NUDT2: variants seen among roughly 807,000 people sequenced by gnomAD.
The protein encoded by NUDT2 is bis(5'-nucleosyl)-tetraphosphatase [asymmetrical].
NUDT2 carries 12 observed loss-of-function variants against 14.2 expected under a neutral mutation model. The ratio of observed to expected loss-of-function variants is 0.84; its 90% CI spans 0.54 to 1.37. The LOEUF is 1.37. Ranked by LOEUF, NUDT2 falls within the 40% of genes most tolerant of loss-of-function variation. The probability of loss-of-function intolerance (pLI) is 0.00; values close to 1 mark genes in which losing one functional copy is unlikely to be tolerated. For synonymous variants in NUDT2, 67 were observed against 67.4 expected (o/e 0.99, Z 0.03); for missense variants, 167 against 176.7 (o/e 0.95, Z 0.31).
rs1303944137 is a variant in NUDT2, at chr9:34,331,391, A to G, written c.-265+1792A>G. Among the ~76,000 whole-genome samples the G allele has an allele frequency of 2.6e-5, 4 of 152,368 alleles. No homozygotes were observed. In the South Asian group the frequency reaches 8.3e-4, roughly 32 times the overall value. ...ACCATGCAAAGTAGGTGTTAACTTC[A>G]TTTTACAAATGAGGAAGTTAAGTAT... is the stretch of plus-strand genomic sequence containing the variant. On this transcript the variant is annotated intron_variant, in intron 1 of 4. Coordinates refer to ENST00000379158, the MANE Select transcript of NUDT2 (RefSeq NM_001161.5).
intron 1 of NUDT2, among the ~76,000 whole-genome samples, chr9:34,330,214 T>C (rs1490194203): frequency 6.6e-6 from 1 of 152,088 alleles, no homozygotes; most frequent in East Asian, 1.9e-4. Flanking sequence ...CCATCCTGGC[T>C]AACACGGTGA....
chr9:34,341,128 C>CA (rs1229916271), intron 4 of NUDT2, among the ~76,000 whole-genome samples: 3 of 152,206 alleles, frequency 2.0e-5, no homozygotes, highest in African/African-American at 7.2e-5. Flanking sequence ...AGAAGCTTCA[C>CA]AAATACTATG....
At chr9:34,329,827 T>C (rs993714776) in intron 1 of NUDT2, among the ~76,000 whole-genome samples, 1 of 150,772 alleles carries the variant, frequency 6.6e-6, no homozygotes, top group African/African-American at 2.4e-5. Flanking sequence ...CTCTGAGCCT[T>C]GCTTGTCCCC....
chr9:34,339,268 C>A, intron 4 of NUDT2, 102 bp downstream of exon 4: 2 of 1,420,192 alleles, frequency 1.4e-6, no homozygotes, highest in Admixed American at 2.0e-5. Flanking sequence ...GACTGTGTAG[C>A]AAAAAGGGGT....
chr9:34,342,978 T>C, intron 4 of NUDT2, 146 bp from the exon 5 acceptor site: 1 of 677,956 alleles, frequency 1.5e-6, no homozygotes, highest in Non-Finnish European at 2.5e-6. Flanking sequence ...GTGAGCTGAT[T>C]GCACTACTGC....
intron 3 of NUDT2, 62 bp from the exon 4 acceptor site, chr9:34,338,962 C>A: frequency 7.0e-7 from 1 of 1,423,520 alleles, no homozygotes; most frequent in Non-Finnish European, 9.7e-7. Flanking sequence ...AGATTGCTAC[C>A]CCCCAGTATG....
intron 1 of NUDT2, among the ~76,000 whole-genome samples, chr9:34,331,644 G>A (rs974489674): frequency 1.3e-5 from 2 of 152,138 alleles, no homozygotes; most frequent in African/African-American, 4.8e-5. Flanking sequence ...AATTTTCACC[G>A]TGGTCTTGGT....
intron 4 of NUDT2, among the ~76,000 whole-genome samples, chr9:34,339,447 A>G (rs964438722): frequency 6.6e-6 from 1 of 152,208 alleles, no homozygotes; most frequent in Non-Finnish European, 1.5e-5. Context: ...GGGTAAGAGA[A>G]AAAACAGTGG....
In NUDT2 at chr9:34,330,679, C is replaced by T. The variant is rs189958806; in HGVS notation, c.-265+1080C>T. On this transcript the variant is annotated intron_variant, in intron 1 of 4. Coordinates refer to ENST00000379158, the MANE Select transcript of NUDT2 (RefSeq NM_001161.5). ...GTAGTAACTTCTTAAAAAATGGTAG[C>T]GGCCGGGCGCGGTGGCTCACGCCTG... Among the ~76,000 whole-genome samples, 24 of 151,988 alleles carry T rather than the reference C, an allele frequency of 1.6e-4. No homozygotes were observed. The East Asian group carries it at 4.5e-3, about 28-fold the overall frequency.
rs531824179 is a variant in NUDT2, at chr9:34,336,860, T to A, written c.-152+519T>A. ...AACCCAGCCTCGACCTCATTTTTTT[T>A]AATGACTTCATGCTATTTCATCATA... is the stretch of plus-strand genomic sequence containing the variant. On this transcript the variant is annotated intron_variant, in intron 2 of 4. Transcript: ENST00000379158. Among the ~76,000 whole-genome samples the A allele has an allele frequency of 1.4e-3, 211 of 152,222 alleles. 7 individuals are homozygous for A. In the South Asian group the frequency reaches 0.043, roughly 31 times the overall value.
intron 4 of NUDT2, among the ~76,000 whole-genome samples, chr9:34,340,235 C>T (rs545628710): frequency 7.9e-5 from 12 of 152,296 alleles, no homozygotes; most frequent in African/African-American, 2.9e-4. Context: ...CGCACCCAGC[C>T]AGGTTTTTCT....
At chr9:34,336,392 G>A (rs1280932795) in intron 2 of NUDT2, 51 bp downstream of exon 2, 2 of 152,040 alleles carry the variant, frequency 1.3e-5, no homozygotes, top group African/African-American at 2.4e-5. Context: ...CAATGAAATA[G>A]AATAGAAAAA....
intron 1 of NUDT2, among the ~76,000 whole-genome samples, chr9:34,329,858 G>GT (rs1837837913): frequency 6.6e-6 from 1 of 152,090 alleles, no homozygotes; most frequent in African/African-American, 2.4e-5. Context: ...GGATAGGGTG[G>GT]GTCGTCCAAA....
At position 34,343,607 on chromosome 9, in the gene NUDT2, C is replaced by G; in HGVS notation, c.*167C>G. On this transcript the variant is annotated 3_prime_UTR_variant, in exon 5 of 5. Coordinates refer to ENST00000379158, the MANE Select transcript of NUDT2 (RefSeq NM_001161.5). ...AGGTGAGAGCAAGCAAAAATCTTGG[C>G]TGGGTGGAAAGGAAGGCAAAAGAGT... is the stretch of plus-strand genomic sequence containing the variant. 1 of 598,958 alleles carries G rather than the reference C, an allele frequency of 1.7e-6. No homozygotes were observed. Among genetic ancestry groups the G allele is most frequent in the Non-Finnish European group, 2.8e-6 (1 of 357,440 alleles). The allele number at this position is 598,958 out of a possible 1,614,324, so 37.1% of individuals were successfully genotyped here.
At chr9:34,341,811 C>T (rs1820192792) in intron 4 of NUDT2, among the ~76,000 whole-genome samples, 1 of 152,132 alleles carries the variant, frequency 6.6e-6, no homozygotes, top group Non-Finnish European at 1.5e-5. Flanking sequence ...CCCCTGGACC[C>T]TGGGGAGTTT....
chr9:34,342,662 C>G (rs751538656), intron 4 of NUDT2, among the ~76,000 whole-genome samples: 19 of 151,990 alleles, frequency 1.3e-4, no homozygotes, highest in Non-Finnish European at 2.6e-4. Flanking sequence ...TGCCCTGCAC[C>G]CCCTTCCCAG....
At chr9:34,337,809 A>G (rs1384560594) in intron 2 of NUDT2, among the ~76,000 whole-genome samples, 2 of 152,116 alleles carry the variant, frequency 1.3e-5, no homozygotes, top group African/African-American at 4.8e-5. Context: ...ATGTGCCTGT[A>G]TTGCCAGCTG....
rs1160597264 is a variant in NUDT2, at chr9:34,343,677, T to C, written c.*237T>C. On this transcript the variant is annotated 3_prime_UTR_variant, in exon 5 of 5. Coordinates refer to ENST00000379158, the MANE Select transcript of NUDT2 (RefSeq NM_001161.5). ...CCCAGTAAGTGTACCTTGTACTTTA[T>C]AAATAAACCTCAAGCAGCTCAAGGT... 2 of 447,130 alleles carry C rather than the reference T, an allele frequency of 4.5e-6. No homozygotes were observed. The highest frequency in any genetic ancestry group is 7.9e-6 in the Non-Finnish European group (2 of 253,656). The allele number at this position is 447,130 out of a possible 1,614,324, so 27.7% of individuals were successfully genotyped here.
chr9:34,330,129 T>C (rs1306077850), intron 1 of NUDT2, among the ~76,000 whole-genome samples: 2 of 152,070 alleles, frequency 1.3e-5, no homozygotes, highest in East Asian at 1.9e-4. Context: ...GCAGGCCGGG[T>C]GCGGTGGCTC....
Sources: gnomAD v4.1 joint callset for allele counts (sites outside exome capture counted in the v4.1 genomes callset) on GRCh38, gnomAD v4.1.1 for gene constraint, MANE v1.5 for transcripts, NCBI Gene and HGNC (gene_info 2026-07-23, HGNC 2026-07-21) for gene names.